The following ZNF205 variants were observed in gnomAD, a reference collection of about 807,000 sequenced individuals.
The protein encoded by ZNF205 is zinc finger protein 205.
In ZNF205, 32 loss-of-function variants were observed where a neutral mutation model predicts 53.6. That is an observed-to-expected ratio of 0.60 (90% CI 0.45 to 0.80). The LOEUF (loss-of-function observed/expected upper bound fraction) is 0.80, where lower values mean the gene tolerates loss of function less well. Ranked by LOEUF, ZNF205 falls within the 30% of genes least tolerant of loss-of-function variation. ZNF205 has a pLI of 0.00. For missense variants in ZNF205, 836 were observed against 782.4 expected (o/e 1.07, Z -0.82); for synonymous variants, 382 against 334.3 (o/e 1.14, Z -1.56).
In ZNF205 at chr16:3,120,344, G is replaced by C. The variant is rs773761713; in HGVS notation, c.*19G>C. ...CACCTAGGAGGCCAGGAAAGGGGGAGCGGGGCGCCCAGGGCCACTGGAACA... is the reference window on the plus strand; with the variant it reads ...CACCTAGGAGGCCAGGAAAGGGGGACCGGGGCGCCCAGGGCCACTGGAACA... On this transcript the variant is annotated 3_prime_UTR_variant, in exon 7 of 7. Coordinates refer to ENST00000219091, the MANE Select transcript of ZNF205 (RefSeq NM_001042428.2). The C allele has an allele frequency of 1.3e-6, 2 of 1,491,142 alleles. No homozygotes were observed. The highest frequency in any genetic ancestry group is 2.8e-5 in the African/African-American group (2 of 71,508). 92.4% of individuals were successfully genotyped at this position (1,491,142 alleles called of 1,614,324 possible). A position where few individuals can be genotyped will look rare whatever the true frequency, so the allele number is the denominator to read the frequency against.
chr16:3,115,213 G>A (rs1957323786), intron 2 of ZNF205, 142 bp from the exon 3 acceptor site: 3 of 617,582 alleles, frequency 4.9e-6, no homozygotes, highest in Non-Finnish European at 7.4e-6. Flanking sequence ...GTCCTTGCTG[G>A]GGTGAGCTGG....
intron 5 of ZNF205, 120 bp downstream of exon 5, chr16:3,116,667 C>T (rs528276919): frequency 1.4e-6 from 2 of 1,391,912 alleles, no homozygotes; most frequent in East Asian, 2.5e-5. Context: ...TGAGACAGCA[C>T]TGTTCTATGG....
chr16:3,114,524 C>T (rs898250157), intron 2 of ZNF205, among the ~76,000 whole-genome samples: 3 of 152,158 alleles, frequency 2.0e-5, no homozygotes, highest in African/African-American at 7.2e-5. Flanking sequence ...AGCAGAAGTC[C>T]GGCCAGTTCC....
rs1398067454 is a variant in ZNF205 at position 3,119,572 on chromosome 16, C to T, written c.912C>T (p.Gly304=). ...EEGLAPDSEV[G]RKSYRCEQCG... is the part of the protein sequence containing the mutation. ...GCCTGGCCCCTGACAGTGAGGTGGG[C>T]AGGAAGAGCTACCGGTGCGAGCAGT... Residue 304 remains glycine, a synonymous_variant, in exon 7 of 7, where the codon GGC becomes GGT. Transcript: ENST00000219091. 1.2e-6 allele frequency: 2 copies of T among 1,608,296 alleles called. No individual in the cohort carries two copies. The highest frequency in any genetic ancestry group is 1.3e-5 in the African/African-American group (1 of 74,892).
At position 3,120,309 on chromosome 16, in the gene ZNF205, C is replaced by CA; in HGVS notation, c.1650dup (p.Pro551ThrfsTer64). 3.2e-6 allele frequency: 5 copies of CA among 1,558,428 alleles called. No homozygotes were observed. The highest frequency in any genetic ancestry group is 4.3e-6 in the Non-Finnish European group (5 of 1,160,990). Reference sequence around the variant, plus strand: ...GCGGCGGGGGCTCTGGCCACACCCCCACCCGCTCCCACCTAGGAGGCCAGG... The same window carrying CA: ...GCGGCGGGGGCTCTGGCCACACCCCCAACCCGCTCCCACCTAGGAGGCCAGG... On this transcript the variant is annotated frameshift_variant, in exon 7 of 7. Transcript: ENST00000219091. LOFTEE classifies it high-confidence loss of function.
At position 3,119,611 on chromosome 16, in the gene ZNF205, C is replaced by T; in HGVS notation, c.951C>T (p.Phe317=). 6.2e-7 allele frequency: 1 copy of T among 1,610,838 alleles called. No individual in the cohort carries two copies. The highest frequency in any genetic ancestry group is 8.5e-7 in the Non-Finnish European group (1 of 1,178,940). Residue 317 remains phenylalanine (F), a synonymous_variant, in exon 7 of 7, where the codon TTC becomes TTT. Transcript: ENST00000219091. Reference sequence around the variant, plus strand: ...GGTGCGAGCAGTGCGGCAAGGGCTTCAGCTGGCACTCGCACCTGGTGACGC... The same window carrying T: ...GGTGCGAGCAGTGCGGCAAGGGCTTTAGCTGGCACTCGCACCTGGTGACGC... ...SYRCEQCGKG[F]SWHSHLVTHR... is the part of the protein sequence containing the mutation.
At chr16:3,115,753 G>C in intron 3 of ZNF205, 76 bp from the exon 4 acceptor site, 6 of 1,488,612 alleles carry the variant, frequency 4.0e-6, no homozygotes, top group Non-Finnish European at 5.5e-6. Context: ...GCCAGGGGTG[G>C]AGTTTGAGGC....
In ZNF205 at chr16:3,119,815, C is replaced by G; in HGVS notation, c.1155C>G (p.Ile385Met). ...HHSTLIQHQR[I>M]HTGEKPYVCD... ...CCACGCTGATTCAGCACCAGCGCATCCACACCGGAGAGAAGCCCTACGTGT... is the reference window on the plus strand; with the variant it reads ...CCACGCTGATTCAGCACCAGCGCATGCACACCGGAGAGAAGCCCTACGTGT... The change falls in exon 7 of 7, where the codon ATC (isoleucine) becomes ATG (methionine). Residue 385 changes from isoleucine to methionine, a missense_variant. Ile to Met is a conservative substitution (Grantham distance 10). Transcript: ENST00000219091. The G allele has an allele frequency of 1.2e-6, 2 of 1,613,728 alleles. No homozygotes were observed. The highest frequency in any genetic ancestry group is 1.1e-5 in the South Asian group (1 of 91,082).
At chr16:3,113,593 G>A in intron 2 of ZNF205, 106 bp downstream of exon 2, 2 of 1,271,802 alleles carry the variant, frequency 1.6e-6, no homozygotes, top group Non-Finnish European at 2.2e-6. Flanking sequence ...ACTCACTGGG[G>A]TGGGGAGATC....
At chr16:3,113,967 G>T (rs1075972) in intron 2 of ZNF205, among the ~76,000 whole-genome samples, 2,878 of 152,070 alleles carry the variant, frequency 0.019, 102 homozygotes, top group African/African-American at 0.066. Flanking sequence ...GTATGAGTCA[G>T]CGACAGGCCA....
At position 3,115,837 on chromosome 16, in the gene ZNF205, T is replaced by TC. The variant is rs1161349858; in HGVS notation, c.286dup (p.Arg96ProfsTer84). ...CCTCTCTCCTCCCACAGCCCTCCCCTCCCCCCGGATCCCCGTGCTTTCCCG... is the reference window on the plus strand; with the variant it reads ...CCTCTCTCCTCCCACAGCCCTCCCCTCCCCCCCGGATCCCCGTGCTTTCCCG... On this transcript the variant is annotated frameshift_variant, in exon 4 of 7. Transcript: ENST00000219091. LOFTEE classifies it high-confidence loss of function. 1.2e-6 allele frequency: 2 copies of TC among 1,612,482 alleles called. No individual in the cohort carries two copies. Among genetic ancestry groups the TC allele is most frequent in the Non-Finnish European group, 1.7e-6 (2 of 1,179,328 alleles).
In ZNF205 at chr16:3,120,192, A is replaced by G; in HGVS notation, c.1532A>G (p.Lys511Arg). 1.2e-6 allele frequency: 2 copies of G among 1,612,728 alleles called. No homozygotes were observed. Among genetic ancestry groups the G allele is most frequent in the Non-Finnish European group, 1.7e-6 (2 of 1,179,710 alleles). ...CCCTACGCCTGCCCGTTGTGCGGCA[A>G]GAGCTTCAGCCGGCGCTCCAACCTG... ...VRPYACPLCG[K>R]SFSRRSNLHR... Residue 511 changes from lysine (K) to arginine (R), a missense_variant, in exon 7 of 7, where the codon AAG becomes AGG. Coordinates refer to ENST00000219091, the MANE Select transcript of ZNF205 (RefSeq NM_001042428.2).
chr16:3,120,194 A>G lies in ZNF205; in HGVS notation c.1534A>G (p.Ser512Gly). The change falls in exon 7 of 7, where the codon AGC (serine) becomes GGC (glycine). Residue 512 changes from serine to glycine, a missense_variant. Transcript: ENST00000219091. ...RPYACPLCGK[S>G]FSRRSNLHRH... Reference sequence around the variant, plus strand: ...CTACGCCTGCCCGTTGTGCGGCAAGAGCTTCAGCCGGCGCTCCAACCTGCA... The same window carrying G: ...CTACGCCTGCCCGTTGTGCGGCAAGGGCTTCAGCCGGCGCTCCAACCTGCA... 6.2e-7 allele frequency: 1 copy of G among 1,612,528 alleles called. No homozygotes were observed. The highest frequency in any genetic ancestry group is 8.5e-7 in the Non-Finnish European group (1 of 1,179,670).
Position 3,120,309 on chromosome 16 carries a change from C to A in ZNF205, c.1649C>A (p.Pro550Gln). 6.4e-7 allele frequency: 1 copy of A among 1,558,428 alleles called. No homozygotes were observed. Among genetic ancestry groups the A allele is most frequent in the South Asian group, 1.2e-5 (1 of 86,000 alleles). Residue 550 changes from proline (P) to glutamine (Q), a missense_variant, in exon 7 of 7, where the codon CCA becomes CAA. By Grantham distance (76) the Pro-to-Gln change is moderately conservative (BLOSUM62 -1). Transcript: ENST00000219091. Reference protein sequence around the residue: ...AAAAGALATPPPAPT With the variant: ...AAAAGALATPQPAPT ...GCGGCGGGGGCTCTGGCCACACCCC[C>A]ACCCGCTCCCACCTAGGAGGCCAGG...
intron 5 of ZNF205, among the ~76,000 whole-genome samples, chr16:3,116,859 A>G (rs1957352817): frequency 6.6e-6 from 1 of 152,164 alleles, no homozygotes; most frequent in Admixed American, 6.5e-5. Flanking sequence ...CAGTGGCACG[A>G]TCTCGGCTCA....
At chr16:3,117,089 C>T (rs1240050917) in intron 5 of ZNF205, among the ~76,000 whole-genome samples, 11 of 152,194 alleles carry the variant, frequency 7.2e-5, no homozygotes, top group Non-Finnish European at 1.5e-4. Context: ...CCACCGCGCC[C>T]GGCCAATTTT....
chr16:3,118,812 C>A, intron 5 of ZNF205, 93 bp from the exon 6 acceptor site: 1 of 1,335,842 alleles, frequency 7.5e-7, no homozygotes. Flanking sequence ...AGAGCCTCAC[C>A]CCCTACTTGG....
intron 1 of ZNF205, chr16:3,113,099 T>A (rs932620448): frequency 7.1e-6 from 2 of 280,548 alleles, no homozygotes; most frequent in Admixed American, 5.5e-5. Context: ...GATTCCAATT[T>A]AGCCTCGGCT....
intron 5 of ZNF205, among the ~76,000 whole-genome samples, chr16:3,117,420 G>GT (rs1354196084): frequency 8.5e-6 from 1 of 116,972 alleles, no homozygotes; most frequent in African/African-American, 3.1e-5. Flanking sequence ...TTTCTTGGAT[G>GT]TTAAGTATTT....
Sources: allele counts gnomAD v4.1 joint callset (sites outside exome capture counted in the v4.1 genomes callset), GRCh38; gene constraint gnomAD v4.1.1; transcripts MANE v1.5; gene names NCBI Gene and HGNC (gene_info 2026-07-23, HGNC 2026-07-21).